The following ABCC1 variants were observed in gnomAD, a reference collection of about 807,000 sequenced individuals.
ABCC1 encodes ATP binding cassette subfamily C member 1 (ABCC1 blood group).
Under a neutral mutation model 172.9 loss-of-function variants are expected in ABCC1, and 83 were observed. The observed-to-expected ratio is 0.48, with a 90% CI of 0.40 to 0.58. The LOEUF is 0.58. ABCC1 is among the 20% of genes least tolerant of loss of function. The probability of loss-of-function intolerance (pLI) is 0.00; values close to 1 mark genes in which losing one functional copy is unlikely to be tolerated. For missense variants in ABCC1, 1,817 were observed against 2,002.7 expected (o/e 0.91, Z 1.77); for synonymous variants, 937 against 825.2 (o/e 1.14, Z -2.32).
At chr16:16,070,374 A>G (rs1230887773) in intron 13 of ABCC1, among the ~76,000 whole-genome samples, 1 of 138,442 alleles carries the variant, frequency 7.2e-6, no homozygotes, top group Non-Finnish European at 1.6e-5. Context: ...TCTCAAATAA[A>G]GAAACCAAGG....
chr16:16,084,071 G>A (rs1441038292), intron 17 of ABCC1, among the ~76,000 whole-genome samples: 1 of 152,010 alleles, frequency 6.6e-6, no homozygotes, highest in African/African-American at 2.4e-5. Flanking sequence ...CACTTACTGA[G>A]CATTTTCTCT....
In ABCC1 at chr16:16,138,430, G is replaced by T; in HGVS notation, c.4359G>T (p.Leu1453Phe). 1 of 1,612,186 alleles carries T rather than the reference G, an allele frequency of 6.2e-7. No homozygotes were observed. Among genetic ancestry groups the T allele is most frequent in the Non-Finnish European group, 8.5e-7 (1 of 1,178,482 alleles). ...TGAGGAAGACGAAGATCCTTGTGTT[G>T]GATGAGGCCACGGCAGCCGTGGACC... is the stretch of plus-strand genomic sequence containing the variant. ...ALLRKTKILV[L>F]DEATAAVDLE... Residue 1453 changes from leucine to phenylalanine, a missense_variant, in exon 30 of 31, where the codon TTG becomes TTT. Physicochemically the swap from Leu to Phe is conservative, Grantham distance 22 (BLOSUM62 0). This residue lies in a region of ABCC1 where 1,412 missense variants were observed against 1,600.3 expected (regional missense o/e 0.88). Transcript: ENST00000399410.
Position 16,036,452 on chromosome 16 carries a change from C to A in ABCC1, c.678-20C>A, listed in dbSNP as rs773688623. On this transcript the variant is annotated intron_variant, in intron 6 of 30. Transcript: ENST00000399410. ...TGTCATTGACTCTCATTGCCTAACC[C>A]CCTTGTGTCTTGGCCCCAGGTTGAT... 4 of 1,609,090 alleles carry A rather than the reference C, an allele frequency of 2.5e-6. No individual in the cohort carries two copies. In the Admixed American group the frequency reaches 6.7e-5, roughly 27 times the overall value.
rs576937590 is a variant in ABCC1, at chr16:15,982,202, C to T, written c.49-25614C>T. ...TGCCTGATACTCAGTTCCAAAGTTG[C>T]TTCCACATTTTTGGGTATCTTTACA... On this transcript the variant is annotated intron_variant, in intron 1 of 30. Coordinates refer to ENST00000399410, the MANE Select transcript of ABCC1 (RefSeq NM_004996.4). Among the ~76,000 whole-genome samples, 34 of 152,294 alleles carry T rather than the reference C, an allele frequency of 2.2e-4. 2 individuals carry two copies. In the South Asian group the frequency reaches 6.8e-3, roughly 31 times the overall value.
chr16:15,970,079 A>G (rs1000146481), intron 1 of ABCC1, among the ~76,000 whole-genome samples: 2 of 152,044 alleles, frequency 1.3e-5, no homozygotes, highest in African/African-American at 4.8e-5. Flanking sequence ...TAAGTGGGGA[A>G]CCCGTTTGAT....
chr16:16,115,455 G>A (rs1224747598), intron 23 of ABCC1, among the ~76,000 whole-genome samples: 2 of 151,940 alleles, frequency 1.3e-5, no homozygotes, highest in Non-Finnish European at 2.9e-5. Flanking sequence ...CCCAGTTCAA[G>A]TGATTCCCCT....
In ABCC1 at chr16:16,013,000, C is replaced by T. The variant is rs372620350; in HGVS notation, c.352-1491C>T. 3.9e-5 allele frequency among the ~76,000 whole-genome samples: 6 copies of T among 151,992 alleles called. No individual in the cohort carries two copies. In the South Asian group the frequency reaches 6.2e-4, roughly 16 times the overall value. ...GCCTGGCCGTTCCTGGTCTTTTGAT[C>T]GTTCATTTATGCCTCTGTCACCCTG... On this transcript the variant is annotated intron_variant, in intron 3 of 30. Coordinates refer to ENST00000399410, the MANE Select transcript of ABCC1 (RefSeq NM_004996.4).
chr16:16,034,023 C>CTTTTTTTTTTTTTTT lies in ABCC1; in HGVS notation c.677+861_677+875dup, dbSNP rs10580146. On this transcript the variant is annotated intron_variant, in intron 6 of 30. Coordinates refer to ENST00000399410, the MANE Select transcript of ABCC1 (RefSeq NM_004996.4). ...TTTTTTTGCCCCTAATAAGCATCAT[C>CTTTTTTTTTTTTTTT]TTTTTTTTTTTTTTTTTTTTTTGAG... Among the ~76,000 whole-genome samples the CTTTTTTTTTTTTTTT allele has an allele frequency of 2.6e-4, 23 of 86,834 alleles. 4 individuals are homozygous for CTTTTTTTTTTTTTTT. The highest frequency in any genetic ancestry group is 3.9e-4 in the African/African-American group (9 of 22,994). The allele number at this position is 86,834 out of a possible 152,430, so 57.0% of individuals were successfully genotyped here. A position where few individuals can be genotyped will look rare whatever the true frequency, so the allele number is the denominator to read the frequency against.
chr16:15,984,477 C>G (rs1218548332), intron 1 of ABCC1, among the ~76,000 whole-genome samples: 1 of 147,666 alleles, frequency 6.8e-6, no homozygotes, highest in Non-Finnish European at 1.5e-5. Context: ...AGAGTCTCGC[C>G]CTGTCAACAG....
chr16:16,131,390 G>C (rs961600943), intron 26 of ABCC1, among the ~76,000 whole-genome samples: 2 of 152,156 alleles, frequency 1.3e-5, no homozygotes, highest in African/African-American at 2.4e-5. Flanking sequence ...TCATAAATGT[G>C]TGTTGAACAC....
intron 12 of ABCC1, among the ~76,000 whole-genome samples, chr16:16,058,920 T>C (rs2049790323): frequency 6.6e-6 from 1 of 152,204 alleles, no homozygotes; most frequent in Admixed American, 6.5e-5. Flanking sequence ...CCTCCGAAAG[T>C]GCTGGGATTA....
In ABCC1 at chr16:16,036,561, T is replaced by C. The variant is rs764127899; in HGVS notation, c.767T>C (p.Val256Ala). ...GACACGTCGGAACAAGTCGTGCCTG[T>C]TTTGGTAAAGAACTGGAAGAAGGAA... ...KEDTSEQVVP[V>A]LVKNWKKECA... Residue 256 changes from valine (V) to alanine (A), a missense_variant, in exon 7 of 31, where the codon GTT becomes GCT. Physicochemically the swap from Val to Ala is moderately conservative, Grantham distance 64. Around this residue, in one of 3 missense-constraint regions of ABCC1, gnomAD observed 398 missense variants for 384.2 expected, o/e 1.04. Transcript: ENST00000399410. 6.8e-6 allele frequency: 11 copies of C among 1,614,032 alleles called. No individual in the cohort carries two copies. Among genetic ancestry groups the C allele is most frequent in the Non-Finnish European group, 8.5e-6 (10 of 1,179,944 alleles).
chr16:16,129,452 G>C (rs1390370709), intron 26 of ABCC1, among the ~76,000 whole-genome samples: 1 of 151,952 alleles, frequency 6.6e-6, no homozygotes. Flanking sequence ...AGTTTGAGAC[G>C]ATCCTGGGCA....
At chr16:16,040,906 C>T (rs2048953274) in intron 7 of ABCC1, among the ~76,000 whole-genome samples, 1 of 152,002 alleles carries the variant, frequency 6.6e-6, no homozygotes, top group African/African-American at 2.4e-5. Context: ...CCCTTCATGC[C>T]TCACCGGGAG....
At chr16:15,970,251 T>G (rs2046335858) in intron 1 of ABCC1, among the ~76,000 whole-genome samples, 1 of 152,208 alleles carries the variant, frequency 6.6e-6, no homozygotes, top group African/African-American at 2.4e-5. Flanking sequence ...TGTCCTCATC[T>G]GCATGGATCA....
At chr16:16,090,086 A>G (rs45565439) in intron 18 of ABCC1, among the ~76,000 whole-genome samples, 224 of 152,298 alleles carry the variant, frequency 1.5e-3, no homozygotes, top group African/African-American at 5.1e-3. Context: ...TTTGCCATTC[A>G]GCAAGCACTA....
At chr16:16,132,521 T>TTTTTTTTG (rs2045740813) in intron 27 of ABCC1, among the ~76,000 whole-genome samples, 2 of 93,922 alleles carry the variant, frequency 2.1e-5, no homozygotes, top group South Asian at 6.7e-4. Context: ...TTTTTTTTTT[T>TTTTTTTTG]TTTTTTTTTT....
chr16:16,008,842 CAAAAAAA>C (rs1208088210), intron 2 of ABCC1, among the ~76,000 whole-genome samples: 1 of 60,236 alleles, frequency 1.7e-5, no homozygotes, highest in East Asian at 6.4e-4. Context: ...GACTCCTTCT[CAAAAAAA>C]AAAAAAAAAA....
chr16:16,127,923 T>G (rs554031056), intron 26 of ABCC1, among the ~76,000 whole-genome samples: 3 of 151,990 alleles, frequency 2.0e-5, no homozygotes, highest in South Asian at 4.1e-4. Flanking sequence ...TAGGTTTTTT[T>G]TTTTTTTTTT....
Sources: gnomAD v4.1 joint callset for allele counts (sites outside exome capture counted in the v4.1 genomes callset) on GRCh38, gnomAD v4.1.1 for gene constraint, gnomAD v4.1.1 regional missense constraint, MANE v1.5 for transcripts, NCBI Gene and HGNC (gene_info 2026-07-23, HGNC 2026-07-21) for gene names.